The following NOL8 variants were observed in gnomAD, a reference collection of about 807,000 sequenced individuals.
NOL8 encodes nucleolar protein Nop132.
Under a neutral mutation model 116.1 loss-of-function variants are expected in NOL8, and 93 were observed. That is an observed-to-expected ratio of 0.80 (90% CI 0.68 to 0.95). NOL8 has a LOEUF of 0.95. Among genes scored for constraint, NOL8 ranks in the 40% least tolerant of loss-of-function variants. The pLI is 0.00. For synonymous variants in NOL8, 419 were observed against 469.0 expected (o/e 0.89, Z 1.38); for missense variants, 1,291 against 1,382.8 (o/e 0.93, Z 1.05).
intron 3 of NOL8, 100 bp downstream of exon 3, chr9:92,323,341 G>A (rs767500276): frequency 5.8e-6 from 9 of 1,543,032 alleles, no homozygotes; most frequent in African/African-American, 4.1e-5. Flanking sequence ...TCTGGATAAC[G>A]TGAAAAATGG....
intron 4 of NOL8, among the ~76,000 whole-genome samples, chr9:92,320,738 C>A (rs942285719): frequency 2.0e-5 from 3 of 152,114 alleles, no homozygotes; most frequent in African/African-American, 7.2e-5. Flanking sequence ...TCCCAAGTAG[C>A]TGGGATTACA....
At chr9:92,299,841 C>A in intron 14 of NOL8, 49 bp downstream of exon 14, 1 of 1,585,896 alleles carries the variant, frequency 6.3e-7, no homozygotes, top group South Asian at 1.1e-5. Flanking sequence ...ATGTCTAATT[C>A]AGATTTTACA....
At position 92,324,042 on chromosome 9, in the gene NOL8, G is replaced by T. The variant is rs1840201244; in HGVS notation, c.120C>A (p.Ile40=). ...AATTACCTTGGTCATCTTTCCGTGT[G>T]ATGATCTCCACATCCGAAACTTCTC... ...RFGEVSDVEI[I]TRKDDQGNPQ... The change falls in exon 2 of 17, where the codon ATC becomes ATA. Residue 40 remains isoleucine, a synonymous_variant. Transcript: ENST00000442668. 1.2e-6 allele frequency: 2 copies of T among 1,613,982 alleles called. No individual in the cohort carries two copies. The highest frequency in any genetic ancestry group is 8.5e-7 in the Non-Finnish European group (1 of 1,179,864).
intron 7 of NOL8, among the ~76,000 whole-genome samples, chr9:92,312,132 T>G (rs1838850149): frequency 6.6e-6 from 1 of 152,112 alleles, no homozygotes; most frequent in Admixed American, 6.5e-5. Flanking sequence ...CTCTCACTTA[T>G]AAGTGGGAGC....
At chr9:92,323,637 T>G (rs1840123641) in intron 2 of NOL8, 134 bp from the exon 3 acceptor site, 2 of 704,836 alleles carry the variant, frequency 2.8e-6, no homozygotes, top group South Asian at 4.5e-5. Context: ...ATAAACCTTG[T>G]TTTTTATTGG....
chr9:92,324,273 C>T, intron 1 of NOL8, 64 bp from the exon 2 acceptor site: 2 of 1,179,680 alleles, frequency 1.7e-6, no homozygotes, highest in Non-Finnish European at 2.4e-6. Flanking sequence ...ACTACTTCCT[C>T]TGAACCTTCT....
chr9:92,303,615 C>T (rs185596973), intron 12 of NOL8, among the ~76,000 whole-genome samples: 43 of 152,202 alleles, frequency 2.8e-4, no homozygotes, highest in Admixed American at 1.9e-3. Context: ...AAACAAAATT[C>T]TTTGTTAAGA....
chr9:92,309,604 G>T (rs544015239), intron 10 of NOL8, among the ~76,000 whole-genome samples: 8 of 152,186 alleles, frequency 5.3e-5, no homozygotes, highest in African/African-American at 1.9e-4. Flanking sequence ...AAGGGTAAGA[G>T]GAGAAGGTCC....
chr9:92,298,867 G>A lies in NOL8; in HGVS notation c.3373+17C>T. ...ACCTGTTCTATGTATGTAATTTGATGAAAAAAATGGACTGACCTTGAAGTC... is the reference window on the plus strand; with the variant it reads ...ACCTGTTCTATGTATGTAATTTGATAAAAAAAATGGACTGACCTTGAAGTC... On this transcript the variant is annotated intron_variant, in intron 15 of 16. Coordinates refer to ENST00000442668, the MANE Select transcript of NOL8 (RefSeq NM_017948.6). 6.9e-7 allele frequency: 1 copy of A among 1,458,482 alleles called. No individual in the cohort carries two copies. The highest frequency in any genetic ancestry group is 1.3e-5 in the South Asian group (1 of 76,078). The allele number at this position is 1,458,482 out of a possible 1,614,324, so 90.3% of individuals were successfully genotyped here. A position where few individuals can be genotyped will look rare whatever the true frequency, so the allele number is the denominator to read the frequency against.
rs1191075217 is a variant in NOL8 at position 92,297,770 on chromosome 9, G to C, written c.*66C>G. On this transcript the variant is annotated 3_prime_UTR_variant, in exon 17 of 17. Coordinates refer to ENST00000442668, the MANE Select transcript of NOL8 (RefSeq NM_017948.6). ...AATTTCTTCTTTGTCAGCTAAAACT[G>C]TTTTCTGGGTCAGTTTCCTTAGGTG... The C allele has an allele frequency of 8.2e-7, 1 of 1,219,054 alleles. No homozygotes were observed. Among genetic ancestry groups the C allele is most frequent in the African/African-American group, 1.6e-5 (1 of 63,242 alleles). 75.5% of individuals were successfully genotyped at this position (1,219,054 alleles called of 1,614,324 possible).
At chr9:92,300,566 G>A (rs1837645819) in intron 13 of NOL8, 1 of 995,428 alleles carries the variant, frequency 1.0e-6, no homozygotes, top group East Asian at 1.1e-4. Flanking sequence ...ATGTCTTTAG[G>A]ACTCGTTTCA....
intron 13 of NOL8, chr9:92,300,828 AAAT>A: frequency 9.0e-7 from 1 of 1,105,808 alleles, no homozygotes. Context: ...AAAAAAAAAA[AAAT>A]TATTTTAATC....
chr9:92,303,105 G>C (rs1837892992), intron 12 of NOL8, among the ~76,000 whole-genome samples: 1 of 152,142 alleles, frequency 6.6e-6, no homozygotes, highest in African/African-American at 2.4e-5. Flanking sequence ...AAATAAGAGA[G>C]GAGAGAATGA....
At chr9:92,309,528 T>C (rs1043629601) in intron 10 of NOL8, among the ~76,000 whole-genome samples, 7 of 152,148 alleles carry the variant, frequency 4.6e-5, no homozygotes, top group African/African-American at 1.7e-4. Flanking sequence ...AGAGAAGTTC[T>C]GAGATTAGGA....
chr9:92,307,056 T>C (rs753569208), intron 10 of NOL8, 32 bp from the exon 11 acceptor site: 5 of 1,589,788 alleles, frequency 3.1e-6, no homozygotes, highest in Non-Finnish European at 2.6e-6. Context: ...AATACTCTCT[T>C]GGAAAACACA....
intron 12 of NOL8, among the ~76,000 whole-genome samples, chr9:92,303,613 T>C (rs2134092205): frequency 6.6e-6 from 1 of 152,264 alleles, no homozygotes; most frequent in East Asian, 1.9e-4. Context: ...TAAAACAAAA[T>C]TCTTTGTTAA....
chr9:92,324,237 T>G (rs761010169), intron 1 of NOL8, 28 bp from the exon 2 acceptor site: 37 of 1,444,410 alleles, frequency 2.6e-5, no homozygotes, highest in Non-Finnish European at 3.2e-5. Context: ...TTCTTTCCCT[T>G]AGTTCTTCTA....
intron 4 of NOL8, among the ~76,000 whole-genome samples, chr9:92,320,618 T>G (rs1440075367): frequency 6.6e-6 from 1 of 152,064 alleles, no homozygotes; most frequent in Non-Finnish European, 1.5e-5. Flanking sequence ...CCTTTTTTTT[T>G]GTTTGAGACA....
At chr9:92,301,467 T>C (rs72750479) in intron 13 of NOL8, 84 bp downstream of exon 13, 42,863 of 1,076,782 alleles carry the variant, frequency 0.04, 1,055 homozygotes, top group South Asian at 0.072. Flanking sequence ...TCAGCTAACA[T>C]GAAATCTGTT....
Sources: allele counts gnomAD v4.1 joint callset (sites outside exome capture counted in the v4.1 genomes callset), GRCh38; gene constraint gnomAD v4.1.1; transcripts MANE v1.5; gene names NCBI Gene and HGNC (gene_info 2026-07-23, HGNC 2026-07-21).